Variants in SRPRB observed in about 807,000 individuals in gnomAD.
SRPRB encodes the protein signal recognition particle receptor subunit beta.
A neutral mutation model predicts 31.9 loss-of-function variants in SRPRB; 20 were observed. That is an observed-to-expected ratio of 0.63 (90% CI 0.44 to 0.91). SRPRB has a LOEUF of 0.91. Among genes scored for constraint, SRPRB ranks in the 40% least tolerant of loss-of-function variants. The pLI is 0.00. For missense variants in SRPRB, 321 were observed against 324.9 expected, an observed-to-expected ratio of 0.99 and a Z score of 0.09; for synonymous variants, 146 against 132.8, an observed-to-expected ratio of 1.10 and a Z score of -0.68.
intron 1 of SRPRB, 64 bp downstream of exon 1, chr3:133,806,066 C>T (rs1935151422): frequency 1.3e-6 from 2 of 1,564,772 alleles, no homozygotes; most frequent in Non-Finnish European, 1.7e-6. Flanking sequence ...TTGGCTGCAC[C>T]GCTGCAGGCC....
Position 133,805,876 on chromosome 3 carries a change from G to T in SRPRB, c.28G>T (p.Ala10Ser), listed in dbSNP as rs1195756440. MASADSRRV[A>S]DGGGAGGTFQ... Reference sequence around the variant, plus strand: ...GGCTTCCGCGGACTCGCGCCGGGTGGCAGATGGCGGCGGTGCCGGGGGCAC... The same window carrying T: ...GGCTTCCGCGGACTCGCGCCGGGTGTCAGATGGCGGCGGTGCCGGGGGCAC... The change falls in exon 1 of 7, where the codon GCA (alanine) becomes TCA (serine). Residue 10 changes from alanine (A) to serine (S), a missense_variant. Transcript: ENST00000678299. 6.2e-7 allele frequency: 1 copy of T among 1,612,292 alleles called. No individual in the cohort carries two copies.
downstream of SRPRB, chr3:133,827,853 A>G: frequency 1.5e-6 from 1 of 648,446 alleles, no homozygotes; most frequent in Non-Finnish European, 2.8e-6. Context: ...CCAACATCAC[A>G]CACTGAGTTT....
At chr3:133,803,346 G>C (rs112117383), upstream of SRPRB, among the ~76,000 whole-genome samples, 1,992 of 152,288 alleles carry the variant, frequency 0.013, 52 homozygotes, top group African/African-American at 0.045. Flanking sequence ...ACATAGCACA[G>C]AAAATCCCTT....
At chr3:133,805,642 G>A (rs1197403166), upstream of SRPRB, 2 of 479,172 alleles carry the variant, frequency 4.2e-6, no homozygotes, top group East Asian at 3.5e-5. Context: ...TGTGTCCCTC[G>A]ACAAATAACC....
At chr3:133,826,475 C>G (rs1935565306), downstream of SRPRB, 1 of 152,624 alleles carries the variant, frequency 6.6e-6, no homozygotes, top group East Asian at 1.9e-4. Flanking sequence ...AGTGCAGATT[C>G]CTGTAAATGG....
chr3:133,807,629 C>A (rs1935186363), intron 2 of SRPRB, 117 bp from the exon 3 acceptor site: 1 of 691,008 alleles, frequency 1.4e-6, no homozygotes. Context: ...GTCTTTTTCA[C>A]CTGTCGGAAG....
At chr3:133,794,005 T>G (rs1934907539) in intron 1 of SRPRB, 1 of 152,170 alleles carries the variant, frequency 6.6e-6, no homozygotes, top group African/African-American at 2.4e-5. Flanking sequence ...CTGAAACTGT[T>G]TAGATATAAA....
chr3:133,817,046 A>T (rs972426071), intron 6 of SRPRB, 114 bp downstream of exon 6: 1 of 717,362 alleles, frequency 1.4e-6, no homozygotes, highest in African/African-American at 1.8e-5. Flanking sequence ...TATAGACTGA[A>T]GATTAGTGTG....
chr3:133,801,534 C>T (rs893251516), upstream of SRPRB, among the ~76,000 whole-genome samples: 3 of 152,160 alleles, frequency 2.0e-5, no homozygotes, highest in African/African-American at 7.2e-5. Flanking sequence ...CCAACTTCAC[C>T]ACCACGGCAG....
chr3:133,799,105 C>T (rs1234339089), intron 1 of SRPRB, among the ~76,000 whole-genome samples: 1 of 152,150 alleles, frequency 6.6e-6, no homozygotes, highest in Non-Finnish European at 1.5e-5. Flanking sequence ...AAAACAGTTA[C>T]GGTTACTACT....
intron 4 of SRPRB, 60 bp downstream of exon 4, chr3:133,811,259 T>A: frequency 6.5e-7 from 1 of 1,548,754 alleles, no homozygotes; most frequent in Non-Finnish European, 8.9e-7. Context: ...TCAAAGCCAC[T>A]CATGTGATTT....
chr3:133,795,965 C>T (rs1319136027), intron 1 of SRPRB: 2 of 152,112 alleles, frequency 1.3e-5, no homozygotes, highest in Non-Finnish European at 2.9e-5. Flanking sequence ...CAAACTAAAC[C>T]AAAACGGAGT....
Position 133,807,761 on chromosome 3 carries a change from T to C in SRPRB, c.265T>C (p.Tyr89His). 6.2e-7 allele frequency: 1 copy of C among 1,612,736 alleles called. No homozygotes were observed. The highest frequency in any genetic ancestry group is 8.5e-7 in the Non-Finnish European group (1 of 1,179,500). ...LLFVRLLTGL[Y>H]RDTQTSITDS... ...TTTTTTACAGTTGTTAACAGGCCTT[T>C]ATAGAGACACTCAGACGTCCATTAC... Residue 89 changes from tyrosine (Y) to histidine (H), a missense_variant, in exon 3 of 7, where the codon TAT (tyrosine) becomes CAT (histidine). Coordinates refer to ENST00000678299, the MANE Select transcript of SRPRB (RefSeq NM_001379313.1).
At chr3:133,811,588 G>GTTT (rs56096910) in intron 4 of SRPRB, among the ~76,000 whole-genome samples, 2 of 143,628 alleles carry the variant, frequency 1.4e-5, no homozygotes, top group Non-Finnish European at 1.5e-5. Context: ...GTGTTTTTTT[G>GTTT]TTTTTTTTTT....
chr3:133,797,766 G>A (rs1012284599), intron 1 of SRPRB, among the ~76,000 whole-genome samples: 2 of 152,220 alleles, frequency 1.3e-5, no homozygotes, highest in African/African-American at 4.8e-5. Flanking sequence ...GAATAAACAA[G>A]TCTTAATGCT....
chr3:133,826,862 C>T (rs1935572775), downstream of SRPRB: 1 of 152,624 alleles, frequency 6.6e-6, no homozygotes, highest in African/African-American at 2.4e-5. Flanking sequence ...GCAGGAGAAA[C>T]AAGAATATAC....
intron 3 of SRPRB, among the ~76,000 whole-genome samples, chr3:133,809,263 G>T (rs1435151876): frequency 6.6e-6 from 1 of 152,148 alleles, no homozygotes; most frequent in Non-Finnish European, 1.5e-5. Context: ...AAATTGCTGG[G>T]ATTACAGGCG....
At chr3:133,788,405 G>T (rs1934740970) in intron 1 of SRPRB, 1 of 152,216 alleles carries the variant, frequency 6.6e-6, no homozygotes, top group Non-Finnish European at 1.5e-5. Context: ...GGGCTCTTGA[G>T]CCCCTAAGCA....
At chr3:133,791,389 C>T (rs1934827154) in intron 1 of SRPRB, 1 of 152,046 alleles carries the variant, frequency 6.6e-6, no homozygotes, top group African/African-American at 2.4e-5. Context: ...AGCAGGGTTC[C>T]TAGGGCTGCT....
Sources: gnomAD v4.1 joint callset for allele counts (sites outside exome capture counted in the v4.1 genomes callset) on GRCh38, gnomAD v4.1.1 for gene constraint, MANE v1.5 for transcripts, NCBI Gene and HGNC (gene_info 2026-07-23, HGNC 2026-07-21) for gene names.